SLC6A16: variants seen among roughly 807,000 people sequenced by gnomAD.
SLC6A16 encodes the protein solute carrier family 6 member 16.
A neutral mutation model predicts 65.4 loss-of-function variants in SLC6A16; 54 were observed. The observed-to-expected ratio is 0.83, with a 90% CI of 0.66 to 1.04. The LOEUF (loss-of-function observed/expected upper bound fraction) is 1.04, where lower values mean the gene tolerates loss of function less well. Among genes scored for constraint, SLC6A16 ranks in the 50% least tolerant of loss-of-function variants. SLC6A16 has a pLI of 0.00. For synonymous variants in SLC6A16, 330 were observed against 346.5 expected (o/e 0.95, Z 0.53); for missense variants, 816 against 914.0 (o/e 0.89, Z 1.38).
At position 49,290,783 on chromosome 19, in the gene SLC6A16, C is replaced by A; in HGVS notation, c.1779-16G>T. 1 of 1,595,226 alleles carries A rather than the reference C, an allele frequency of 6.3e-7. No homozygotes were observed. Among genetic ancestry groups the A allele is most frequent in the East Asian group, 2.3e-5 (1 of 44,120 alleles). ...TGCAAGGAACCTGGAGAAGGGCCAC[C>A]AGAGTGTGGGATGCCCAGTTAGGCC... On this transcript the variant is annotated splice_polypyrimidine_tract_variant and intron_variant, in intron 10 of 11. Coordinates refer to ENST00000335875, the MANE Select transcript of SLC6A16 (RefSeq NM_014037.3).
At chr19:49,327,378 G>A (rs1442236223), upstream of SLC6A16, among the ~76,000 whole-genome samples, 1 of 152,182 alleles carries the variant, frequency 6.6e-6, no homozygotes, top group Admixed American at 6.5e-5. Context: ...GTGAGCCACT[G>A]CGCCCGGCCC....
intron 7 of SLC6A16, among the ~76,000 whole-genome samples, chr19:49,302,481 C>T (rs1970308680): frequency 6.6e-6 from 1 of 152,214 alleles, no homozygotes; most frequent in Non-Finnish European, 1.5e-5. Context: ...CTCTGTGCCA[C>T]TGGACCCAGT....
intron 1 of SLC6A16, among the ~76,000 whole-genome samples, chr19:49,319,481 A>G (rs1273056204): frequency 2.0e-5 from 3 of 150,860 alleles, no homozygotes; most frequent in Non-Finnish European, 4.4e-5. Flanking sequence ...GTATATGTAT[A>G]TACATATACT....
Position 49,310,131 on chromosome 19 carries a change from G to C in SLC6A16, c.609C>G (p.Val203=), listed in dbSNP as rs758948246. The change falls in exon 4 of 12, where the codon GTC becomes GTG. Residue 203 remains valine, a synonymous_variant. Transcript: ENST00000335875. ...TCATGTAGAAGATGATCCAGGAATT[G>C]ACCACATTGAAGTACAGGCCGAGGA... ...CFILGLYFNV[V]NSWIIFYMSQ... 1 of 1,613,900 alleles carries C rather than the reference G, an allele frequency of 6.2e-7. No individual in the cohort carries two copies. The highest frequency in any genetic ancestry group is 1.7e-5 in the Admixed American group (1 of 59,980).
At chr19:49,297,437 C>A (rs1242865513) in intron 7 of SLC6A16, among the ~76,000 whole-genome samples, 1 of 152,184 alleles carries the variant, frequency 6.6e-6, no homozygotes, top group African/African-American at 2.4e-5. Context: ...CAAGTATTGA[C>A]AAGGATGTGG....
At position 49,290,171 on chromosome 19, in the gene SLC6A16, T is replaced by A; in HGVS notation, c.2163A>T (p.Leu721=). ...ATGGGTACTTTGTTTCATCAACTTGTAGAATTTCTTCCTTTTGAACCTCTT... is the reference window on the plus strand; with the variant it reads ...ATGGGTACTTTGTTTCATCAACTTGAAGAATTTCTTCCTTTTGAACCTCTT... ...PSKEVQKEEI[L]QVDETKYPST... Residue 721 remains leucine, a synonymous_variant, in exon 12 of 12, where the codon CTA becomes CTT. Coordinates refer to ENST00000335875, the MANE Select transcript of SLC6A16 (RefSeq NM_014037.3). The A allele has an allele frequency of 6.2e-7, 1 of 1,614,180 alleles. No individual in the cohort carries two copies. The highest frequency in any genetic ancestry group is 1.1e-5 in the South Asian group (1 of 91,078).
intron 1 of SLC6A16, among the ~76,000 whole-genome samples, chr19:49,315,418 A>G (rs1381693896): frequency 6.6e-6 from 1 of 152,174 alleles, no homozygotes. Flanking sequence ...CCCTGAGACA[A>G]ATGATGCTTC....
intron 7 of SLC6A16, among the ~76,000 whole-genome samples, chr19:49,295,109 A>G (rs564377003): frequency 1.3e-5 from 2 of 151,280 alleles, no homozygotes; most frequent in East Asian, 3.9e-4. Flanking sequence ...CACAATACCA[A>G]CTCCACCCCC....
intron 7 of SLC6A16, among the ~76,000 whole-genome samples, chr19:49,303,193 A>T (rs1461706399): frequency 6.6e-6 from 1 of 152,212 alleles, no homozygotes; most frequent in African/African-American, 2.4e-5. Context: ...TTTAAAACTG[A>T]AGACAAAGAA....
chr19:49,290,481 A>G lies in SLC6A16; in HGVS notation c.1942-89T>C, dbSNP rs1970055202. The G allele has an allele frequency of 1.3e-5, 21 of 1,565,498 alleles. No individual in the cohort carries two copies. In the South Asian group the frequency reaches 2.4e-4, roughly 18 times the overall value. The stretch of plus-strand genomic sequence containing the variant: ...GAGGGGAAGGATGGGTGGGGAACCA[A>G]AGCAGAAAACCCATGAGTCTTCGGG... On this transcript the variant is annotated intron_variant, in intron 11 of 11. Coordinates refer to ENST00000335875, the MANE Select transcript of SLC6A16 (RefSeq NM_014037.3).
the SLC6A16 span, chr19:49,337,491 G>C: frequency 1.6e-6 from 1 of 626,614 alleles, no homozygotes; most frequent in Non-Finnish European, 2.6e-6. Flanking sequence ...GTGTGATGGT[G>C]TGCACCTGGG....
the SLC6A16 span, chr19:49,338,013 A>T: frequency 7.4e-6 from 12 of 1,613,990 alleles, no homozygotes; most frequent in Non-Finnish European, 9.3e-6. This position sits in a 1 kb window ranked among gnomAD's most constrained non-coding sequence, Gnocchi z 5.0. Flanking sequence ...GAGAGCTGGG[A>T]CTATGTGCAG....
rs559538815 is a variant in SLC6A16, at chr19:49,322,956, G to A, written c.-65+2092C>T. ...CTTGAAAAAGAAGAAAAACGCTGGTGTACTCACATTTCCTGATTTCAAAAC... is the reference window on the plus strand; with the variant it reads ...CTTGAAAAAGAAGAAAAACGCTGGTATACTCACATTTCCTGATTTCAAAAC... On this transcript the variant is annotated intron_variant, in intron 1 of 11. Coordinates refer to ENST00000335875, the MANE Select transcript of SLC6A16 (RefSeq NM_014037.3). Among the ~76,000 whole-genome samples, 176 of 146,832 alleles carry A rather than the reference G, an allele frequency of 1.2e-3. 1 individual carries two copies. The highest frequency in any genetic ancestry group is 2.2e-3 in the Non-Finnish European group (145 of 67,438).
intron 7 of SLC6A16, among the ~76,000 whole-genome samples, chr19:49,299,597 G>A (rs1443278240): frequency 7.2e-6 from 1 of 138,936 alleles, no homozygotes; most frequent in African/African-American, 2.9e-5. Context: ...TCTTCAATGT[G>A]CTAGGAAAAA....
chr19:49,290,130 G>C lies in SLC6A16; in HGVS notation c.2204C>G (p.Thr735Ser), dbSNP rs1039807230. 2 of 1,613,720 alleles carry C rather than the reference G, an allele frequency of 1.2e-6. No homozygotes were observed. The highest frequency in any genetic ancestry group is 2.7e-5 in the African/African-American group (2 of 74,992). Residue 735 changes from threonine to serine, a missense_variant, in exon 12 of 12, where the codon ACT (threonine) becomes AGT (serine). Physicochemically the swap from Thr to Ser is moderately conservative, Grantham distance 58. Coordinates refer to ENST00000335875, the MANE Select transcript of SLC6A16 (RefSeq NM_014037.3). Reference sequence around the variant, plus strand: ...GAAGCCAAATTAATGAAGTTAGGAAGTCACATTACAAGTTGATGGGTACTT... The same window carrying C: ...GAAGCCAAATTAATGAAGTTAGGAACTCACATTACAAGTTGATGGGTACTT... ...ETKYPSTCNV[T>S]S
intron 7 of SLC6A16, among the ~76,000 whole-genome samples, chr19:49,308,544 G>C (rs1438545423): frequency 6.6e-6 from 1 of 152,132 alleles, no homozygotes; most frequent in Admixed American, 6.5e-5. Context: ...TATGGTCTTG[G>C]ATGGTATTTT....
chr19:49,332,796 C>T, the SLC6A16 span, among the ~76,000 whole-genome samples: 1 of 152,004 alleles, frequency 6.6e-6, no homozygotes, highest in Non-Finnish European at 1.5e-5. Context: ...GGATGGTGGC[C>T]TTGGAAAGAA....
the SLC6A16 span, chr19:49,335,868 C>T: frequency 2.0e-5 from 23 of 1,132,738 alleles, no homozygotes; most frequent in African/African-American, 7.6e-5. This position sits in a 1 kb window ranked among gnomAD's most constrained non-coding sequence, Gnocchi z 4.6. Context: ...GGGAGACCTA[C>T]GGTGCCCTAC....
chr19:49,325,238 G>A (rs1027326679), upstream of SLC6A16: 72 of 984,924 alleles, frequency 7.3e-5, no homozygotes, highest in African/African-American at 1.2e-3. Context: ...ATGCGCCGCC[G>A]CGCCCCCTCA....
Sources: allele counts gnomAD v4.1 joint callset (sites outside exome capture counted in the v4.1 genomes callset), GRCh38; gene constraint gnomAD v4.1.1; non-coding constraint Gnocchi (gnomAD v3.1); transcripts MANE v1.5; gene names NCBI Gene and HGNC (gene_info 2026-07-23, HGNC 2026-07-21).